CLXN: variants seen among roughly 807,000 people sequenced by gnomAD.
The protein encoded by CLXN is EF-hand calcium binding domain 1.
At chr8:48,731,436 T>G in the CLXN span, 1 of 1,613,630 alleles carries the variant, frequency 6.2e-7, no homozygotes, top group Non-Finnish European at 8.5e-7. Flanking sequence ...CAACCAGACC[T>G]TGCCTCTCTA....
chr8:48,727,846 A>G, the CLXN span, among the ~76,000 whole-genome samples: 21 of 152,168 alleles, frequency 1.4e-4, no homozygotes, highest in Non-Finnish European at 2.4e-4. Context: ...GGTGGCAAAC[A>G]GATGTGAGGA....
the CLXN span, among the ~76,000 whole-genome samples, chr8:48,720,737 T>G: frequency 4.6e-5 from 7 of 152,190 alleles, no homozygotes; most frequent in African/African-American, 7.2e-5. Context: ...GCATGTGATT[T>G]TGTACCTACT....
the CLXN span, among the ~76,000 whole-genome samples, chr8:48,731,169 C>A: frequency 6.6e-6 from 1 of 152,098 alleles, no homozygotes; most frequent in Non-Finnish European, 1.5e-5. Context: ...CTTAAATACA[C>A]AAAATAAAGC....
chr8:48,727,632 G>A, the CLXN span, among the ~76,000 whole-genome samples: 1 of 152,136 alleles, frequency 6.6e-6, no homozygotes, highest in East Asian at 1.9e-4. Flanking sequence ...GGAGATGATA[G>A]GACATGTGGG....
the CLXN span, chr8:48,729,767 G>A: frequency 6.2e-7 from 1 of 1,612,080 alleles, no homozygotes. Flanking sequence ...CCTTCATCAG[G>A]GTCTTCCTCA....
chr8:48,729,199 C>T, the CLXN span: 3 of 1,417,928 alleles, frequency 2.1e-6, no homozygotes, highest in Non-Finnish European at 2.9e-6. Context: ...ACTGCAAATA[C>T]ATGCTCTTTT....
At chr8:48,726,150 C>T in the CLXN span, among the ~76,000 whole-genome samples, 4 of 145,112 alleles carry the variant, frequency 2.8e-5, no homozygotes, top group African/African-American at 1.0e-4. Flanking sequence ...ATCCATCCAT[C>T]CATCCACCCA....
chr8:48,722,028 A>T, the CLXN span, among the ~76,000 whole-genome samples: 1 of 152,222 alleles, frequency 6.6e-6, no homozygotes, highest in Admixed American at 6.5e-5. Context: ...TGCAAATCAT[A>T]TATTTGCTAA....
the CLXN span, among the ~76,000 whole-genome samples, chr8:48,725,550 T>C: frequency 6.6e-6 from 1 of 152,180 alleles, no homozygotes. Flanking sequence ...ATGCCTGTAA[T>C]CCCAGCACTT....
At chr8:48,727,477 G>T in the CLXN span, among the ~76,000 whole-genome samples, 1 of 152,174 alleles carries the variant, frequency 6.6e-6, no homozygotes, top group Non-Finnish European at 1.5e-5. Context: ...TGAGGAAGTG[G>T]CATTGCAGCA....
At chr8:48,724,817 C>T in the CLXN span, 163 of 1,607,064 alleles carry the variant, frequency 1.0e-4, no homozygotes, top group East Asian at 3.4e-3. Flanking sequence ...AAAAAAGGTA[C>T]TCAATTTAGT....
the CLXN span, among the ~76,000 whole-genome samples, chr8:48,727,230 CCA>C: frequency 1.3e-4 from 19 of 141,678 alleles, no homozygotes; most frequent in African/African-American, 4.9e-4. Context: ...ATCCATCCAT[CCA>C]TCCATCCATC....
the CLXN span, chr8:48,729,805 A>C: frequency 2.5e-6 from 4 of 1,613,568 alleles, no homozygotes; most frequent in Non-Finnish European, 3.4e-6. Context: ...GCTGTTCTTC[A>C]ACATGTGAAA....
the CLXN span, among the ~76,000 whole-genome samples, chr8:48,732,878 C>CTTAT: frequency 1.2e-4 from 18 of 152,168 alleles, 1 homozygote; most frequent in East Asian, 3.5e-3. Flanking sequence ...TATGATTCCT[C>CTTAT]TTATATAAGG....
the CLXN span, among the ~76,000 whole-genome samples, chr8:48,733,805 C>T: frequency 6.6e-6 from 1 of 152,042 alleles, no homozygotes; most frequent in Non-Finnish European, 1.5e-5. Flanking sequence ...TCAAACTTAC[C>T]GAACAGAGAC....
chr8:48,718,136 G>A, the CLXN span, among the ~76,000 whole-genome samples: 1 of 152,096 alleles, frequency 6.6e-6, no homozygotes, highest in African/African-American at 2.4e-5. Flanking sequence ...TTAAAGGATG[G>A]AAAAAGATAT....
the CLXN span, among the ~76,000 whole-genome samples, chr8:48,718,794 C>A: frequency 6.6e-6 from 1 of 151,802 alleles, no homozygotes; most frequent in South Asian, 2.1e-4. Context: ...TTATACAATG[C>A]AGCAAAAGTA....
chr8:48,724,816 A>G, the CLXN span: 1 of 1,608,162 alleles, frequency 6.2e-7, no homozygotes, highest in Non-Finnish European at 8.5e-7. Flanking sequence ...AAAAAAAGGT[A>G]CTCAATTTAG....
At chr8:48,722,607 G>C in the CLXN span, among the ~76,000 whole-genome samples, 1 of 152,084 alleles carries the variant, frequency 6.6e-6, no homozygotes, top group Non-Finnish European at 1.5e-5. Flanking sequence ...GCAGTTTTCA[G>C]TGTATCCCTA....
Sources: gnomAD v4.1 joint callset for allele counts (sites outside exome capture counted in the v4.1 genomes callset) on GRCh38, gnomAD v4.1.1 for gene constraint, MANE v1.5 for transcripts, NCBI Gene and HGNC (gene_info 2026-07-23, HGNC 2026-07-21) for gene names.